The following WSCD1 variants were observed in gnomAD, a reference collection of about 807,000 sequenced individuals.
WSCD1 encodes the protein sialate:O-sulfotransferase 1.
A neutral mutation model predicts 60.4 loss-of-function variants in WSCD1; 41 were observed. The observed-to-expected ratio is 0.68, with a 90% CI of 0.53 to 0.88. The LOEUF (loss-of-function observed/expected upper bound fraction) is 0.88, where lower values mean the gene tolerates loss of function less well. Ranked by LOEUF, WSCD1 falls within the 40% of genes least tolerant of loss-of-function variation. The probability of loss-of-function intolerance (pLI) is 0.00; values close to 1 mark genes in which losing one functional copy is unlikely to be tolerated. For missense variants in WSCD1, 784 were observed against 796.2 expected (o/e 0.98, Z 0.18); for synonymous variants, 361 against 332.5 (o/e 1.09, Z -0.93).
At chr17:6,082,812 C>G (rs536077521) in intron 2 of WSCD1, among the ~76,000 whole-genome samples, 134 of 152,228 alleles carry the variant, frequency 8.8e-4, no homozygotes, top group Admixed American at 2.7e-3. Flanking sequence ...GCCACGAGTG[C>G]CAGGCCTAGG....
At chr17:6,113,625 T>C (rs1911529472) in intron 7 of WSCD1, among the ~76,000 whole-genome samples, 1 of 152,112 alleles carries the variant, frequency 6.6e-6, no homozygotes, top group Non-Finnish European at 1.5e-5. Flanking sequence ...AACCAAAGTA[T>C]ATAAGGAACT....
In WSCD1 at chr17:6,120,542, G is replaced by A. The variant is rs138045353; in HGVS notation, c.1609G>A (p.Asp537Asn). 2,010 of 1,613,754 alleles carry A rather than the reference G, an allele frequency of 1.2e-3. 2 individuals are homozygous for A. The highest frequency in any genetic ancestry group is 1.5e-3 in the Non-Finnish European group (1,718 of 1,180,002). ...SFRRRGRRSH[D>N]PEPFTPEMKD... ...CCGGCGGCGCGGCCGGCGCTCCCAC[G>A]ACCCTGAGCCCTTCACCCCGGAGAT... Residue 537 changes from aspartate to asparagine, a missense_variant, in exon 9 of 9, where the codon GAC becomes AAC. Coordinates refer to ENST00000317744, the MANE Select transcript of WSCD1 (RefSeq NM_015253.2).
intron 5 of WSCD1, among the ~76,000 whole-genome samples, chr17:6,102,522 C>T (rs538210792): frequency 3.3e-5 from 5 of 152,306 alleles, no homozygotes; most frequent in East Asian, 3.9e-4. Flanking sequence ...TTGAAAAACA[C>T]GTATTGTTTG....
At chr17:6,100,016 CT>C (rs1380882224) in intron 5 of WSCD1, among the ~76,000 whole-genome samples, 2 of 151,914 alleles carry the variant, frequency 1.3e-5, no homozygotes, top group Admixed American at 6.6e-5. Flanking sequence ...AAGGTTGAGA[CT>C]TTTTTCAGTG....
chr17:6,082,118 G>A (rs1909319204), intron 2 of WSCD1: 1 of 152,214 alleles, frequency 6.6e-6, no homozygotes, highest in South Asian at 2.1e-4. Context: ...GCTGTTTACA[G>A]GTATTATTAT....
In WSCD1 at chr17:6,101,911, A is replaced by T. The variant is rs913495419; in HGVS notation, c.849+6688A>T. ...GTGGGGGTGCTCCGAAAGGAGGCTG[A>T]TGAGCGAAATCTAACACCATCTGCA... is the stretch of plus-strand genomic sequence containing the variant. On this transcript the variant is annotated intron_variant, in intron 5 of 8. Transcript: ENST00000317744. The surrounding 1 kb of genome is among the most constrained non-coding windows in gnomAD (Gnocchi z 4.1). Among the ~76,000 whole-genome samples the T allele has an allele frequency of 6.6e-6, 1 of 152,216 alleles. No individual in the cohort carries two copies. Among genetic ancestry groups the T allele is most frequent in the Non-Finnish European group, 1.5e-5 (1 of 68,040 alleles).
chr17:6,072,087 T>C (rs1221632788), intron 1 of WSCD1, among the ~76,000 whole-genome samples: 1 of 152,190 alleles, frequency 6.6e-6, no homozygotes, highest in Non-Finnish European at 1.5e-5. Context: ...CCACAGCTCC[T>C]CTGTAAAAAT....
Position 6,080,705 on chromosome 17 carries a change from A to C in WSCD1, c.47A>C (p.Gln16Pro). The C allele has an allele frequency of 6.2e-7, 1 of 1,613,640 alleles. No homozygotes were observed. Among genetic ancestry groups the C allele is most frequent in the Non-Finnish European group, 8.5e-7 (1 of 1,179,926 alleles). Residue 16 changes from glutamine to proline, a missense_variant, in exon 2 of 9, where the codon CAG (glutamine) becomes CCG (proline). By Grantham distance (76) the Gln-to-Pro change is moderately conservative. Transcript: ENST00000317744. This position sits in a 1 kb window ranked among gnomAD's most constrained non-coding sequence, Gnocchi z 6.6. ...CTCCAGAAGTTTCTCCGCCGAACAC[A>C]GTTCCTGCTGTTCTTCCTCACGGCT... ...FRLQKFLRRT[Q>P]FLLFFLTAAY...
At chr17:6,090,582 A>C in intron 4 of WSCD1, 77 bp downstream of exon 4, 19 of 1,544,206 alleles carry the variant, frequency 1.2e-5, no homozygotes, top group Non-Finnish European at 1.5e-5. Flanking sequence ...ACAACCTCTC[A>C]ATGAAACTAC....
intron 8 of WSCD1, 55 bp from the exon 9 acceptor site, chr17:6,120,254 G>A (rs1195812175): frequency 1.4e-5 from 22 of 1,568,034 alleles, no homozygotes; most frequent in South Asian, 3.6e-5. Flanking sequence ...CCCGGGGACC[G>A]GCAGCCCTGG....
chr17:6,071,906 C>G (rs1404872730), intron 1 of WSCD1, among the ~76,000 whole-genome samples: 1 of 152,314 alleles, frequency 6.6e-6, no homozygotes, highest in East Asian at 1.9e-4. Flanking sequence ...GGGCCTCAAC[C>G]GGCTGCCAGA....
Position 6,121,816 on chromosome 17 carries a change from A to T in WSCD1, c.*1155A>T, listed in dbSNP as rs1904729582. On this transcript the variant is annotated 3_prime_UTR_variant, in exon 9 of 9. Transcript: ENST00000317744. Reference sequence around the variant, plus strand: ...GCCAGCCTGGGATGGGGGTCAATGTATGCTACACATCTTGGGCTCACAAGT... The same window carrying T: ...GCCAGCCTGGGATGGGGGTCAATGTTTGCTACACATCTTGGGCTCACAAGT... The T allele has an allele frequency of 6.6e-6, 1 of 152,206 alleles. No individual in the cohort carries two copies. The highest frequency in any genetic ancestry group is 1.5e-5 in the Non-Finnish European group (1 of 68,126). The allele number at this position is 152,206 out of a possible 1,614,324, so 9.4% of individuals were successfully genotyped here.
rs1242566025 is a variant in WSCD1, at chr17:6,120,509, G to A, written c.1576G>A (p.Gly526Ser). The A allele has an allele frequency of 9.3e-6, 15 of 1,613,840 alleles. No individual in the cohort carries two copies. Among genetic ancestry groups the A allele is most frequent in the Middle Eastern group, 3.3e-4 (2 of 6,062 alleles). Reference protein sequence around the residue: ...RLLCVENNKEGSFRRRGRRSH... With the variant: ...RLLCVENNKESSFRRRGRRSH... ...GCTCTGCGTGGAGAACAACAAGGAGGGCAGCTTCCGGCGGCGCGGCCGGCG... is the reference window on the plus strand; with the variant it reads ...GCTCTGCGTGGAGAACAACAAGGAGAGCAGCTTCCGGCGGCGCGGCCGGCG... The change falls in exon 9 of 9, where the codon GGC becomes AGC. Residue 526 changes from glycine to serine, a missense_variant. Physicochemically the swap from Gly to Ser is moderately conservative, Grantham distance 56. Transcript: ENST00000317744.
chr17:6,096,186 C>T (rs1237248331), intron 5 of WSCD1, among the ~76,000 whole-genome samples: 1 of 152,164 alleles, frequency 6.6e-6, no homozygotes, highest in Non-Finnish European at 1.5e-5. Context: ...CTGCATTTTC[C>T]AGGTGAGGAA....
At chr17:6,116,212 C>T (rs1911677834) in intron 7 of WSCD1, among the ~76,000 whole-genome samples, 2 of 152,274 alleles carry the variant, frequency 1.3e-5, no homozygotes, top group East Asian at 3.9e-4. Flanking sequence ...ATCTCCAAGG[C>T]CCTTACCTTA....
In WSCD1 at chr17:6,120,649, T is replaced by C. The variant is rs765855208; in HGVS notation, c.1716T>C (p.Tyr572=). ...DHNWTGLPRE[Y]VPR is the part of the protein sequence containing the mutation. Reference sequence around the variant, plus strand: ...ACTGGACGGGGCTGCCCAGGGAGTATGTGCCCAGATGATAGGCCTGGCCCA... The same window carrying C: ...ACTGGACGGGGCTGCCCAGGGAGTACGTGCCCAGATGATAGGCCTGGCCCA... The change falls in exon 9 of 9, where the codon TAT becomes TAC. Residue 572 remains tyrosine (Y), a synonymous_variant. Coordinates refer to ENST00000317744, the MANE Select transcript of WSCD1 (RefSeq NM_015253.2). 8.7e-6 allele frequency: 14 copies of C among 1,609,856 alleles called. No individual in the cohort carries two copies. The highest frequency in any genetic ancestry group is 1.2e-5 in the Non-Finnish European group (14 of 1,177,478).
intron 1 of WSCD1, among the ~76,000 whole-genome samples, chr17:6,072,434 C>T (rs1055124185): frequency 3.3e-5 from 5 of 152,180 alleles, no homozygotes; most frequent in African/African-American, 4.8e-5. Context: ...GGAACCCCTC[C>T]GAGCAGGGCC....
chr17:6,095,962 C>T (rs1297863090), intron 5 of WSCD1, among the ~76,000 whole-genome samples: 1 of 152,142 alleles, frequency 6.6e-6, no homozygotes, highest in Non-Finnish European at 1.5e-5. Flanking sequence ...GCTGGGATTG[C>T]TGTACCCTCA....
At chr17:6,103,067 G>A (rs1910893943) in intron 5 of WSCD1, among the ~76,000 whole-genome samples, 1 of 152,092 alleles carries the variant, frequency 6.6e-6, no homozygotes, top group African/African-American at 2.4e-5. Context: ...GGTAACCTGG[G>A]TTCATACTCC....
Sources: gnomAD v4.1 joint callset for allele counts (sites outside exome capture counted in the v4.1 genomes callset) on GRCh38, gnomAD v4.1.1 for gene constraint, Gnocchi (gnomAD v3.1) non-coding constraint, MANE v1.5 for transcripts, NCBI Gene and HGNC (gene_info 2026-07-23, HGNC 2026-07-21) for gene names.